Variants in KLF12 observed in about 807,000 individuals in gnomAD.
KLF12 encodes the protein KLF transcription factor 12.
A neutral mutation model predicts 37.8 loss-of-function variants in KLF12; 9 were observed. The observed-to-expected ratio is 0.24, with a 90% confidence interval of 0.14 to 0.42. KLF12 has a LOEUF of 0.42. KLF12 is among the 10% of genes least tolerant of loss of function. The pLI, the probability that KLF12 is intolerant of heterozygous loss-of-function variation, is 1.00. For missense variants in KLF12, 411 were observed against 516.0 expected (o/e 0.80, Z 1.97); for synonymous variants, 208 against 202.1 (o/e 1.03, Z -0.25).
At chr13:73,954,934 T>C (rs932619991) in intron 2 of KLF12, among the ~76,000 whole-genome samples, 8 of 152,256 alleles carry the variant, frequency 5.3e-5, no homozygotes, top group African/African-American at 1.4e-4. Flanking sequence ...ACTTTCATTA[T>C]TGCATAGAGT....
intron 1 of KLF12, among the ~76,000 whole-genome samples, chr13:74,032,378 G>A (rs1893137070): frequency 6.6e-6 from 1 of 151,990 alleles, no homozygotes; most frequent in Non-Finnish European, 1.5e-5. Context: ...TTCACAGTGG[G>A]AGCTCTCCAT....
At chr13:73,781,169 C>A (rs76074791) in intron 5 of KLF12, among the ~76,000 whole-genome samples, 6,483 of 152,280 alleles carry the variant, frequency 0.043, 183 homozygotes, top group Non-Finnish European at 0.062. Flanking sequence ...CTCAGATGAT[C>A]ATTAGCATTT....
chr13:74,005,188 T>G (rs1224237291), intron 1 of KLF12, among the ~76,000 whole-genome samples: 1 of 152,146 alleles, frequency 6.6e-6, no homozygotes, highest in African/African-American at 2.4e-5. Flanking sequence ...AACATAATAT[T>G]AAACAATCTC....
chr13:73,857,736 G>T (rs1167962656), intron 3 of KLF12, among the ~76,000 whole-genome samples: 1 of 152,120 alleles, frequency 6.6e-6, no homozygotes, highest in African/African-American at 2.4e-5. Flanking sequence ...TTGAAACCAA[G>T]ATTTTAACCT....
the KLF12 span, among the ~76,000 whole-genome samples, chr13:74,242,613 T>C: frequency 1.2e-3 from 186 of 152,284 alleles, 2 homozygotes; most frequent in African/African-American, 4.4e-3. Context: ...ACACACGTGT[T>C]TATATGAGAC....
chr13:74,073,870 C>A (rs1486191634), intron 1 of KLF12, among the ~76,000 whole-genome samples: 2 of 152,158 alleles, frequency 1.3e-5, no homozygotes, highest in Admixed American at 1.3e-4. Context: ...TGCATGGTCG[C>A]ATACATAAAT....
In KLF12 at chr13:74,061,835, T is replaced by C. The variant is rs557880601; in HGVS notation, c.-31-66782A>G. ...ACATGATTTTTATACCTTGACGTTA[T>C]ATGATAGCTTTCTGAAACTTTTAAC... On this transcript the variant is annotated intron_variant, in intron 1 of 7. Transcript: ENST00000377669. Among the ~76,000 whole-genome samples, 4 of 152,372 alleles carry C rather than the reference T, an allele frequency of 2.6e-5. No individual in the cohort carries two copies. The South Asian group carries it at 8.3e-4, about 32-fold the overall frequency.
intron 6 of KLF12, among the ~76,000 whole-genome samples, chr13:73,749,884 C>T (rs569095459): frequency 2.0e-5 from 3 of 152,244 alleles, no homozygotes; most frequent in South Asian, 4.1e-4. Flanking sequence ...TTGTAGCATC[C>T]TGCCTTCTGT....
intron 3 of KLF12, among the ~76,000 whole-genome samples, chr13:73,879,715 C>T (rs1035774783): frequency 2.0e-5 from 3 of 152,200 alleles, no homozygotes; most frequent in Non-Finnish European, 2.9e-5. Flanking sequence ...ACAATCTCTA[C>T]AACAGAAGTT....
At chr13:73,721,052 T>C (rs1876204581) in intron 6 of KLF12, among the ~76,000 whole-genome samples, 2 of 152,214 alleles carry the variant, frequency 1.3e-5, no homozygotes, top group African/African-American at 4.8e-5. Flanking sequence ...ATAACAATGA[T>C]ATTTACAGAA....
At chr13:73,743,710 C>A (rs1878170236) in intron 6 of KLF12, among the ~76,000 whole-genome samples, 1 of 152,120 alleles carries the variant, frequency 6.6e-6, no homozygotes, top group African/African-American at 2.4e-5. Flanking sequence ...AAAAGCTGAT[C>A]CAAGAAGTAG....
chr13:73,958,818 C>G (rs371476164), intron 2 of KLF12, among the ~76,000 whole-genome samples: 1 of 152,036 alleles, frequency 6.6e-6, no homozygotes, highest in African/African-American at 2.4e-5. Context: ...TCCTTTATCA[C>G]CCAGAAGCTA....
chr13:74,164,911 G>T, the KLF12 span, among the ~76,000 whole-genome samples: 18 of 152,164 alleles, frequency 1.2e-4, no homozygotes, highest in Non-Finnish European at 2.2e-4. Flanking sequence ...AGAGGCTGGG[G>T]AGGGTAGTGG....
intron 1 of KLF12, among the ~76,000 whole-genome samples, chr13:74,109,514 C>T (rs528822557): frequency 1.3e-5 from 2 of 151,960 alleles, no homozygotes; most frequent in Non-Finnish European, 2.9e-5. Context: ...AAGAAGTACT[C>T]TAGAACACAG....
At chr13:73,860,293 G>C (rs189157546) in intron 3 of KLF12, among the ~76,000 whole-genome samples, 11 of 152,138 alleles carry the variant, frequency 7.2e-5, no homozygotes, top group Admixed American at 2.0e-4. Flanking sequence ...CTTACGAGGC[G>C]GCCATGGGCC....
At chr13:74,120,761 A>G (rs1036987301) in intron 1 of KLF12, among the ~76,000 whole-genome samples, 3 of 152,128 alleles carry the variant, frequency 2.0e-5, no homozygotes, top group Admixed American at 6.5e-5. Flanking sequence ...AAGAGAAAAA[A>G]ATGGCAATAT....
chr13:74,157,270 A>G, the KLF12 span, among the ~76,000 whole-genome samples: 1 of 152,126 alleles, frequency 6.6e-6, no homozygotes, highest in Non-Finnish European at 1.5e-5. Context: ...TATTTTTTCC[A>G]AGTATCTCTT....
In KLF12 at chr13:73,695,652, A is replaced by G. The variant is rs766212980; in HGVS notation, c.1047T>C (p.Cys349=). The G allele has an allele frequency of 1.2e-5, 19 of 1,613,932 alleles. No homozygotes were observed. Among genetic ancestry groups the G allele is most frequent in the Admixed American group, 1.7e-5 (1 of 60,008 alleles). The change falls in exon 8 of 8, where the codon TGT becomes TGC. Residue 349 remains cysteine (C), a synonymous_variant. Coordinates refer to ENST00000377669, the MANE Select transcript of KLF12 (RefSeq NM_007249.5). The stretch of plus-strand genomic sequence containing the variant: ...ACTTCCAGGTGCAGCCTTCCCAGGT[A>G]CACTTGTAAGGTTTCTCTCCTGGAA...
rs147523182 is a variant in KLF12 at position 73,868,613 on chromosome 13, G to A, written c.124-22240C>T. On this transcript the variant is annotated intron_variant, in intron 3 of 7. Transcript: ENST00000377669. ...ACCATATTGGCCAGGCTGGTCTCTC[G>A]AACTCCTGACCTCATGATTTGCCCA... Among the ~76,000 whole-genome samples, 446 of 152,034 alleles carry A rather than the reference G, an allele frequency of 2.9e-3. 1 individual carries two copies. The highest frequency in any genetic ancestry group is 0.01 in the African/African-American group (418 of 41,480).
Sources: allele counts gnomAD v4.1 joint callset (sites outside exome capture counted in the v4.1 genomes callset), GRCh38; gene constraint gnomAD v4.1.1; transcripts MANE v1.5; gene names NCBI Gene and HGNC (gene_info 2026-07-23, HGNC 2026-07-21).